The following VPS53 variants were observed in gnomAD, a reference collection of about 807,000 sequenced individuals.
The protein encoded by VPS53 is vacuolar protein sorting-associated protein 53 homolog.
In VPS53, 70 loss-of-function variants were observed where a neutral mutation model predicts 107.0. That is an observed-to-expected ratio of 0.65 (90% confidence interval 0.54 to 0.80). The LOEUF is 0.80. Among genes scored for constraint, VPS53 ranks in the 30% least tolerant of loss-of-function variants. The probability of loss-of-function intolerance (pLI) is 0.00; values close to 1 mark genes in which losing one functional copy is unlikely to be tolerated. For synonymous variants in VPS53, 409 were observed against 393.3 expected, an observed-to-expected ratio of 1.04 and a Z score of -0.47; for missense variants, 917 against 1,049.4, an observed-to-expected ratio of 0.87 and a Z score of 1.74.
intron 1 of VPS53, 180 bp downstream of exon 1, chr17:714,443 C>T (rs1973768669): frequency 1.6e-6 from 1 of 611,768 alleles, no homozygotes; most frequent in Admixed American, 3.0e-5. Context: ...AGAAAGGGTT[C>T]TCTTTCCTTT....
intron 2 of VPS53, among the ~76,000 whole-genome samples, chr17:707,867 A>G (rs1973478801): frequency 6.6e-6 from 1 of 151,606 alleles, no homozygotes; most frequent in Non-Finnish European, 1.5e-5. Flanking sequence ...AAAAGGAAGA[A>G]AGAAAAAAAG....
At chr17:574,195 A>T (rs909885847) in intron 13 of VPS53, among the ~76,000 whole-genome samples, 1 of 152,162 alleles carries the variant, frequency 6.6e-6, no homozygotes. Flanking sequence ...CAGCCTGCGC[A>T]GTATCTGCTC....
chr17:532,712 T>A, intron 19 of VPS53, 130 bp downstream of exon 19: 1 of 1,471,788 alleles, frequency 6.8e-7, no homozygotes. Context: ...TCCGGGTGAG[T>A]CATTATACTG....
intron 15 of VPS53, 126 bp from the exon 16 acceptor site, chr17:553,588 T>TC: frequency 6.3e-6 from 5 of 791,146 alleles, no homozygotes; most frequent in Non-Finnish European, 9.9e-6. Context: ...TTTTTTTTTT[T>TC]TTTTTGAGAC....
intron 11 of VPS53, among the ~76,000 whole-genome samples, chr17:603,198 C>T (rs535553062): frequency 2.0e-5 from 3 of 152,170 alleles, no homozygotes; most frequent in African/African-American, 4.8e-5. Flanking sequence ...GCTGAGGCGG[C>T]GGATCACTTG....
In VPS53 at chr17:519,431, C is replaced by A; in HGVS notation, c.2329-133G>T. 1.0e-6 allele frequency: 1 copy of A among 954,632 alleles called. No individual in the cohort carries two copies. The highest frequency in any genetic ancestry group is 2.1e-5 in the South Asian group (1 of 48,128). The allele number at this position is 954,632 out of a possible 1,614,324, so 59.1% of individuals were successfully genotyped here. On this transcript the variant is annotated intron_variant, in intron 21 of 21. Coordinates refer to ENST00000437048, the MANE Select transcript of VPS53 (RefSeq NM_001128159.3). This position sits in a 1 kb window ranked among gnomAD's most constrained non-coding sequence, Gnocchi z 5.0. ...TAGTTACTCCAGGCTGAGGATGAAC[C>A]GTTTCCTCAAGGGACTCACCATCCC...
chr17:620,678 ATT>A (rs67264596), intron 11 of VPS53, among the ~76,000 whole-genome samples: 8 of 140,196 alleles, frequency 5.7e-5, no homozygotes, highest in Admixed American at 1.4e-4. Context: ...TCTACATTCT[ATT>A]TTTTTTTTTT....
chr17:711,935 G>C (rs1246552385), intron 1 of VPS53, among the ~76,000 whole-genome samples: 1 of 151,534 alleles, frequency 6.6e-6, no homozygotes, highest in Non-Finnish European at 1.5e-5. Flanking sequence ...TCCTGTCTCA[G>C]CCTCTTGAGA....
chr17:669,317 G>A (rs572889766), intron 4 of VPS53, among the ~76,000 whole-genome samples: 1 of 152,204 alleles, frequency 6.6e-6, no homozygotes, highest in East Asian at 1.9e-4. Flanking sequence ...TTGGCCGGGG[G>A]GGCAGTAGCT....
chr17:627,279 C>T lies in VPS53; in HGVS notation c.869G>A (p.Trp290Ter), dbSNP rs370828258. 6 of 1,614,018 alleles carry T rather than the reference C, an allele frequency of 3.7e-6. No individual in the cohort carries two copies. Among genetic ancestry groups the T allele is most frequent in the Non-Finnish European group, 5.1e-6 (6 of 1,179,996 alleles). ...WLDKIDRRYA[W>*]IKRQLVDYEE... The stretch of plus-strand genomic sequence containing the variant: ...ATAGTCCACAAGCTGGCGTTTTATC[C>T]AGGCATAGCGTCTGTCGATTTTGTC... Residue 290 changes from tryptophan (W) to a stop codon, truncating the protein, a stop_gained, in exon 10 of 22, where the codon TGG becomes TAG. Transcript: ENST00000437048. LOFTEE classifies it high-confidence loss of function.
At chr17:714,549 G>A (rs1191228617) in intron 1 of VPS53, 74 bp downstream of exon 1, 5 of 1,413,072 alleles carry the variant, frequency 3.5e-6, no homozygotes, top group Non-Finnish European at 4.8e-6. Context: ...ACCCGCCGCG[G>A]CCTCCCCAGC....
chr17:590,906 G>C (rs1293738341), intron 12 of VPS53, among the ~76,000 whole-genome samples: 1 of 152,008 alleles, frequency 6.6e-6, no homozygotes, highest in African/African-American at 2.4e-5. Flanking sequence ...ATGAGTTAGA[G>C]AGGATTCCCT....
In VPS53 at chr17:544,192, G is replaced by C. The variant is rs114446971; in HGVS notation, c.1867-7016C>G. 1.5e-3 allele frequency among the ~76,000 whole-genome samples: 222 copies of C among 152,242 alleles called. 3 individuals carry two copies. Among genetic ancestry groups the C allele is most frequent in the African/African-American group, 5.2e-3 (214 of 41,534 alleles). ...CCTGGTGTCAGATCAAGAAAAGCTG[G>C]AGATGAATATACACCATGATGATGG... On this transcript the variant is annotated intron_variant, in intron 17 of 21. Transcript: ENST00000437048.
chr17:686,567 T>C (rs1203118873), intron 4 of VPS53, among the ~76,000 whole-genome samples: 1 of 152,186 alleles, frequency 6.6e-6, no homozygotes, highest in Non-Finnish European at 1.5e-5. Context: ...GGACCATAGG[T>C]AAGCTGTGCC....
rs749947745 is a variant in VPS53 at position 655,800 on chromosome 17, T to G, written c.488+38A>C. ...ACACCATTTTCTCTATGCGATACAT[T>G]TCCCGTGGCCCCAAAAGAGAAAGTT... On this transcript the variant is annotated intron_variant, in intron 6 of 21. Transcript: ENST00000437048. 3 of 1,571,776 alleles carry G rather than the reference T, an allele frequency of 1.9e-6. No individual in the cohort carries two copies. In the South Asian group the frequency reaches 3.4e-5, roughly 18 times the overall value.
At chr17:601,410 G>A (rs1426946480) in intron 12 of VPS53, among the ~76,000 whole-genome samples, 1 of 152,166 alleles carries the variant, frequency 6.6e-6, no homozygotes, top group African/African-American at 2.4e-5. Context: ...TCTCCTAGCC[G>A]AGGGTGCTGC....
At chr17:565,584 T>C (rs58986260) in intron 13 of VPS53, among the ~76,000 whole-genome samples, 1,664 of 152,020 alleles carry the variant, frequency 0.011, 26 homozygotes, top group African/African-American at 0.034. Context: ...ACCACTCTTG[T>C]TCCTCATAAC....
chr17:631,719 C>T (rs1055734004), intron 7 of VPS53, 91 bp from the exon 8 acceptor site: 33 of 1,204,062 alleles, frequency 2.7e-5, no homozygotes, highest in African/African-American at 3.0e-5. Flanking sequence ...TGAAGTCTTT[C>T]GAGAAAGGCC....
intron 4 of VPS53, among the ~76,000 whole-genome samples, chr17:681,127 TG>T (rs1567735440): frequency 1.3e-5 from 2 of 151,726 alleles, no homozygotes; most frequent in Non-Finnish European, 2.9e-5. Flanking sequence ...GTTGTTTTTT[TG>T]TTTGTTTGTT....
Sources: gnomAD v4.1 joint callset for allele counts (sites outside exome capture counted in the v4.1 genomes callset) on GRCh38, gnomAD v4.1.1 for gene constraint, Gnocchi (gnomAD v3.1) non-coding constraint, MANE v1.5 for transcripts, NCBI Gene and HGNC (gene_info 2026-07-23, HGNC 2026-07-21) for gene names.